The following DCHS2 variants were observed in gnomAD, a reference collection of about 807,000 sequenced individuals.
DCHS2 encodes protocadherin-23.
DCHS2 carries 142 observed loss-of-function variants against 182.4 expected under a neutral mutation model. That is an observed-to-expected ratio of 0.78 (90% CI 0.68 to 0.89). The LOEUF (loss-of-function observed/expected upper bound fraction) is 0.89, where lower values mean the gene tolerates loss of function less well. Among genes scored for constraint, DCHS2 ranks in the 40% least tolerant of loss-of-function variants. The pLI is 0.00. For synonymous variants in DCHS2, 1,740 were observed against 1,663.3 expected, an observed-to-expected ratio of 1.05 and a Z score of -1.12; for missense variants, 4,319 against 4,198.6, an observed-to-expected ratio of 1.03 and a Z score of -0.79.
chr4:154,240,539 G>A lies in DCHS2; in HGVS notation c.7357C>T (p.Gln2453Ter). Reference protein sequence around the residue: ...NPPVFSQDFYQVTVPESIPVG... With the variant: ...NPPVFSQDFY Reference sequence around the variant, plus strand: ...CGGCATCTCTTTAAGCCCTTTACCTGATAGAAATCTTGAGAAAACACTGGT... The same window carrying A: ...CGGCATCTCTTTAAGCCCTTTACCTAATAGAAATCTTGAGAAAACACTGGT... The change falls in exon 18 of 20, where the codon CAG becomes TAG. Residue 2453 changes from glutamine to a stop codon, truncating the protein, a stop_gained and splice_region_variant. Transcript: ENST00000357232. LOFTEE classifies it high-confidence loss of function. 1 of 1,613,140 alleles carries A rather than the reference G, an allele frequency of 6.2e-7. No homozygotes were observed. The highest frequency in any genetic ancestry group is 1.1e-5 in the South Asian group (1 of 91,058).
intron 3 of DCHS2, among the ~76,000 whole-genome samples, chr4:154,345,810 C>T (rs1042530863): frequency 1.3e-5 from 2 of 152,042 alleles, no homozygotes. Context: ...ATAAACAAAC[C>T]AACCTGGAAA....
At chr4:154,357,273 T>C (rs147387444) in intron 3 of DCHS2, 4 of 1,613,674 alleles carry the variant, frequency 2.5e-6, no homozygotes, top group Non-Finnish European at 3.4e-6. Flanking sequence ...TACTTCCTTG[T>C]CTGCTGAAAA....
chr4:154,280,903 C>T (rs1367058976), intron 13 of DCHS2, among the ~76,000 whole-genome samples: 1 of 151,640 alleles, frequency 6.6e-6, no homozygotes, highest in Non-Finnish European at 1.5e-5. Flanking sequence ...TCTCGGTTCA[C>T]TGCAACCTCT....
chr4:154,262,945 A>G (rs1009543781), intron 14 of DCHS2, among the ~76,000 whole-genome samples: 1 of 152,232 alleles, frequency 6.6e-6, no homozygotes, highest in Admixed American at 6.5e-5. Context: ...CTAAAGTGGC[A>G]TGAAGTTTAA....
chr4:154,308,170 CCTT>C (rs1735525525), intron 10 of DCHS2, among the ~76,000 whole-genome samples: 1 of 151,600 alleles, frequency 6.6e-6, no homozygotes, highest in African/African-American at 2.4e-5. Context: ...TGACCAATGA[CCTT>C]CTGATTATAA....
chr4:154,274,024 A>G (rs1170647894), intron 13 of DCHS2, among the ~76,000 whole-genome samples: 3 of 152,170 alleles, frequency 2.0e-5, no homozygotes, highest in Admixed American at 1.3e-4. Flanking sequence ...AGATGAGTAC[A>G]GAGCAGGGCT....
chr4:154,417,194 T>TGAGAGAGAGAGA (rs1732877971), intron 1 of DCHS2, among the ~76,000 whole-genome samples: 7 of 91,626 alleles, frequency 7.6e-5, no homozygotes, highest in Admixed American at 2.4e-4. Context: ...TGTGTGTGTG[T>TGAGAGAGAGAGA]GTGTGTGTGT....
At chr4:154,365,575 C>T (rs377346001) in intron 3 of DCHS2, among the ~76,000 whole-genome samples, 2 of 151,888 alleles carry the variant, frequency 1.3e-5, no homozygotes, top group African/African-American at 4.8e-5. Flanking sequence ...AACTCCTGGC[C>T]TCGAGCCATC....
At chr4:154,278,080 C>T (rs1733947122) in intron 13 of DCHS2, among the ~76,000 whole-genome samples, 1 of 151,024 alleles carries the variant, frequency 6.6e-6, no homozygotes, top group South Asian at 2.1e-4. Context: ...TACACAGAAA[C>T]TCAATGCACT....
At chr4:154,328,236 T>A in intron 6 of DCHS2, 44 bp from the exon 7 acceptor site, 1 of 1,416,640 alleles carries the variant, frequency 7.1e-7, no homozygotes, top group Non-Finnish European at 9.8e-7. Flanking sequence ...AGCAAAAGTT[T>A]AAAAAGAAAT....
intron 14 of DCHS2, among the ~76,000 whole-genome samples, chr4:154,264,167 G>C (rs1401045993): frequency 6.6e-6 from 1 of 152,132 alleles, no homozygotes; most frequent in Non-Finnish European, 1.5e-5. Flanking sequence ...TTCAACTGAG[G>C]CTTCAGAGAA....
At chr4:154,259,500 C>A (rs111516993) in intron 15 of DCHS2, 45 bp downstream of exon 15, 70 of 1,410,744 alleles carry the variant, frequency 5.0e-5, no homozygotes, top group South Asian at 8.8e-5. Context: ...ACAGACACAC[C>A]CACACACACA....
At chr4:154,242,807 T>G in intron 16 of DCHS2, 35 bp from the exon 17 acceptor site, 1 of 1,578,606 alleles carries the variant, frequency 6.3e-7, no homozygotes, top group South Asian at 1.2e-5. Context: ...ATGTGATTCA[T>G]CATCCAGGAA....
chr4:154,390,581 T>G (rs75911759), intron 1 of DCHS2, among the ~76,000 whole-genome samples: 2 of 151,914 alleles, frequency 1.3e-5, no homozygotes, highest in African/African-American at 2.4e-5. Flanking sequence ...CATTTCCAGA[T>G]ACTCCTGAAA....
intron 2 of DCHS2, among the ~76,000 whole-genome samples, chr4:154,369,669 C>T (rs530937084): frequency 6.7e-4 from 102 of 152,272 alleles, no homozygotes; most frequent in African/African-American, 2.4e-3. Context: ...TGTTATACAG[C>T]AATAGGTAGC....
intron 16 of DCHS2, among the ~76,000 whole-genome samples, chr4:154,253,192 A>AGAGAGT (rs1251172870): frequency 2.1e-5 from 3 of 142,542 alleles, no homozygotes; most frequent in Non-Finnish European, 3.1e-5. Flanking sequence ...AGAGAGAGAG[A>AGAGAGT]GTGTGTGTGT....
At chr4:154,341,674 A>AT in intron 3 of DCHS2, among the ~76,000 whole-genome samples, 1 of 152,212 alleles carries the variant, frequency 6.6e-6, no homozygotes, top group Non-Finnish European at 1.5e-5. Flanking sequence ...CTGTGTAGTA[A>AT]TGGGATTATA....
At chr4:154,287,718 G>A (rs1470382731) in intron 13 of DCHS2, among the ~76,000 whole-genome samples, 1 of 152,066 alleles carries the variant, frequency 6.6e-6, no homozygotes, top group Non-Finnish European at 1.5e-5. Context: ...CTGGCCTCAA[G>A]TGATCCACCT....
chr4:154,325,339 G>A (rs1266074514), intron 7 of DCHS2, among the ~76,000 whole-genome samples: 1 of 151,476 alleles, frequency 6.6e-6, no homozygotes, highest in South Asian at 2.1e-4. Context: ...GTGTGTGTGT[G>A]TGTGTGTGTG....
Sources: gnomAD v4.1 joint callset for allele counts (sites outside exome capture counted in the v4.1 genomes callset) on GRCh38, gnomAD v4.1.1 for gene constraint, MANE v1.5 for transcripts, NCBI Gene and HGNC (gene_info 2026-07-23, HGNC 2026-07-21) for gene names.